C11orf54: variants seen among roughly 807,000 people sequenced by gnomAD.
The protein encoded by C11orf54 is beta-keto-L-gulonate decarboxylase.
In C11orf54, 29 loss-of-function variants were observed where a neutral mutation model predicts 35.5. That is an observed-to-expected ratio of 0.82 (90% CI 0.61 to 1.11). C11orf54 has a LOEUF of 1.11. Ranked by LOEUF, C11orf54 falls within the 50% of genes most tolerant of loss-of-function variation. The pLI is 0.00. For missense variants in C11orf54, 373 were observed against 369.2 expected (o/e 1.01, Z -0.08); for synonymous variants, 108 against 121.1 (o/e 0.89, Z 0.71).
chr11:93,743,841 C>G (rs1476111236), intron 1 of C11orf54, among the ~76,000 whole-genome samples: 16 of 152,180 alleles, frequency 1.1e-4, no homozygotes. Context: ...CTTCTAGACC[C>G]TATTTCTGGG....
In C11orf54 at chr11:93,759,859, G is replaced by A. The variant is rs1327294109; in HGVS notation, c.774+1G>A. 1 of 1,536,904 alleles carries A rather than the reference G, an allele frequency of 6.5e-7. No individual in the cohort carries two copies. The highest frequency in any genetic ancestry group is 2.3e-5 in the East Asian group (1 of 44,372). Reference sequence around the variant, plus strand: ...ACCAGTTTTTGTCTCCAGAGACCCAGTAAGTCTGTGTCTGTTTTTTATATT... The same window carrying A: ...ACCAGTTTTTGTCTCCAGAGACCCAATAAGTCTGTGTCTGTTTTTTATATT... On this transcript the variant is annotated splice_donor_variant, in intron 8 of 8. Transcript: ENST00000354421. LOFTEE classifies it high-confidence loss of function.
chr11:93,746,732 A>G (rs1054593882), intron 1 of C11orf54: 4 of 152,202 alleles, frequency 2.6e-5, no homozygotes, highest in Non-Finnish European at 5.9e-5. Flanking sequence ...TTTAAATTTT[A>G]TTTTGAAAAA....
chr11:93,761,508 A>G lies in C11orf54; in HGVS notation c.775-7A>G, dbSNP rs1943468667. 6.3e-7 allele frequency: 1 copy of G among 1,598,508 alleles called. No individual in the cohort carries two copies. ...AGTACTAACATATTGTTTGTCTGTT[A>G]TCTTAGGGGTTTGATTTGCGACTGG... On this transcript the variant is annotated splice_region_variant and splice_polypyrimidine_tract_variant and intron_variant, in intron 8 of 8. Coordinates refer to ENST00000354421, the MANE Select transcript of C11orf54 (RefSeq NM_001286069.2).
chr11:93,752,329 C>A (rs1016651460), intron 3 of C11orf54, among the ~76,000 whole-genome samples: 2 of 152,124 alleles, frequency 1.3e-5, no homozygotes, highest in African/African-American at 4.8e-5. Context: ...GAAACCCAAT[C>A]TCTACTAAAA....
intron 3 of C11orf54, among the ~76,000 whole-genome samples, chr11:93,750,868 A>G (rs1258276767): frequency 2.0e-5 from 3 of 152,244 alleles, no homozygotes; most frequent in African/African-American, 7.2e-5. Context: ...GTGAGCATCC[A>G]CTGTTTGAAG....
Position 93,755,198 on chromosome 11 carries a change from C to T in C11orf54, c.331-12C>T. 5.0e-6 allele frequency: 8 copies of T among 1,612,402 alleles called. No individual in the cohort carries two copies. Among genetic ancestry groups the T allele is most frequent in the Non-Finnish European group, 6.8e-6 (8 of 1,178,880 alleles). The stretch of plus-strand genomic sequence containing the variant: ...ATACAAAGATTGACTAATTGCCTCA[C>T]TTTCTTTTCAGTTTATGCCAGTTAT... On this transcript the variant is annotated splice_polypyrimidine_tract_variant and intron_variant, in intron 5 of 8. Coordinates refer to ENST00000354421, the MANE Select transcript of C11orf54 (RefSeq NM_001286069.2).
chr11:93,757,253 TG>T lies in C11orf54; in HGVS notation c.508-62del, dbSNP rs1366042963. On this transcript the variant is annotated intron_variant, in intron 6 of 8. Transcript: ENST00000354421. ...TGCTTGATAGAATTAAATTATATAA[TG>T]TTTTATTTCAGTAGTTATTTTGCAG... 6 of 1,496,612 alleles carry T rather than the reference TG, an allele frequency of 4.0e-6. No homozygotes were observed. The Admixed American group carries it at 1.2e-4, about 30-fold the overall frequency. 92.7% of individuals were successfully genotyped at this position (1,496,612 alleles called of 1,614,324 possible).
At chr11:93,753,877 G>T in intron 4 of C11orf54, 59 bp from the exon 5 acceptor site, 1 of 1,564,828 alleles carries the variant, frequency 6.4e-7, no homozygotes, top group Non-Finnish European at 8.8e-7. Flanking sequence ...AGTAATAAAA[G>T]GTAAACCAGG....
At chr11:93,757,008 G>A (rs915061502) in intron 6 of C11orf54, among the ~76,000 whole-genome samples, 3 of 151,994 alleles carry the variant, frequency 2.0e-5, no homozygotes, top group Admixed American at 2.0e-4. Context: ...TGACTGCCTC[G>A]ACACGTATGT....
rs1441054481 is a variant in C11orf54 at position 93,757,382 on chromosome 11, C to T, written c.574C>T (p.Leu192=). The change falls in exon 7 of 9, where the codon CTG becomes TTG. Residue 192 remains leucine (L), a synonymous_variant. Transcript: ENST00000354421. The stretch of plus-strand genomic sequence containing the variant: ...CTTTGTGACTTGTATGAGAGAGACC[C>T]TGGAAAAACATTATGGAAATAAGCC... ...LNFVTCMRET[L]EKHYGNKPIG... 1 of 1,598,060 alleles carries T rather than the reference C, an allele frequency of 6.3e-7. No individual in the cohort carries two copies. Among genetic ancestry groups the T allele is most frequent in the Non-Finnish European group, 8.5e-7 (1 of 1,179,694 alleles).
rs147973802 is a variant in C11orf54 at position 93,754,022 on chromosome 11, C to T, written c.315C>T (p.Leu105=). The change falls in exon 5 of 9, where the codon CTC becomes CTT. Residue 105 remains leucine, a synonymous_variant. Transcript: ENST00000354421. ...CAGGAGCAGGTCCATTTCAGACTCTCGGGTTCAATTCTGAGGTCAGCATAT... is the reference window on the plus strand; with the variant it reads ...CAGGAGCAGGTCCATTTCAGACTCTTGGGTTCAATTCTGAGGTCAGCATAT... ...LGAGAGPFQT[L]GFNSEFMPVI... is the part of the protein sequence containing the mutation. 1.1e-4 allele frequency: 178 copies of T among 1,613,768 alleles called. No homozygotes were observed. The highest frequency in any genetic ancestry group is 1.6e-4 in the Middle Eastern group (1 of 6,082).
chr11:93,761,667 G>A lies in C11orf54; in HGVS notation c.927G>A (p.Thr309=), dbSNP rs377629155. 32 of 1,600,290 alleles carry A rather than the reference G, an allele frequency of 2.0e-5. No homozygotes were observed. The highest frequency in any genetic ancestry group is 9.0e-5 in the East Asian group (4 of 44,424). ...FLYRIDQPKE[T]HSIGRD ...ATCGCATTGATCAACCAAAAGAGAC[G>A]CATTCAATTGGGCGAGATTAAATCA... is the stretch of plus-strand genomic sequence containing the variant. The change falls in exon 9 of 9, where the codon ACG becomes ACA. Residue 309 remains threonine, a synonymous_variant. Coordinates refer to ENST00000354421, the MANE Select transcript of C11orf54 (RefSeq NM_001286069.2).
At chr11:93,751,607 T>C (rs930964329) in intron 3 of C11orf54, among the ~76,000 whole-genome samples, 28 of 151,780 alleles carry the variant, frequency 1.8e-4, no homozygotes, top group Middle Eastern at 3.4e-3. Context: ...GGTTTCACCG[T>C]GTTAGCCAGG....
chr11:93,757,744 G>T (rs183718530), intron 7 of C11orf54, among the ~76,000 whole-genome samples: 3 of 152,246 alleles, frequency 2.0e-5, no homozygotes, highest in African/African-American at 7.2e-5. Context: ...GGCCAGACTG[G>T]TGTCGAACTC....
chr11:93,758,206 G>C (rs1313542712), intron 7 of C11orf54, among the ~76,000 whole-genome samples: 1 of 152,184 alleles, frequency 6.6e-6, no homozygotes, highest in Non-Finnish European at 1.5e-5. Flanking sequence ...CTATGGAGCG[G>C]GTGGGAGCTG....
intron 7 of C11orf54, among the ~76,000 whole-genome samples, chr11:93,758,544 C>T (rs1043440785): frequency 6.6e-6 from 1 of 152,250 alleles, no homozygotes; most frequent in African/African-American, 2.4e-5. Flanking sequence ...TGCCTGCTCC[C>T]ACTGCCTGGC....
rs1943525614 is a variant in C11orf54 at position 93,762,601 on chromosome 11, T to C, written c.*913T>C. ...GCCTGGGCACCATGGTGAGACCCCA[T>C]CTCTATTATTTAAAATGTTTCTTAA... On this transcript the variant is annotated 3_prime_UTR_variant, in exon 9 of 9. Transcript: ENST00000354421. The C allele has an allele frequency of 2.6e-5, 4 of 152,096 alleles. No individual in the cohort carries two copies. Among genetic ancestry groups the C allele is most frequent in the Admixed American group, 2.6e-4 (4 of 15,268 alleles). The allele number at this position is 152,096 out of a possible 1,614,324, so 9.4% of individuals were successfully genotyped here. A position where few individuals can be genotyped will look rare whatever the true frequency, so the allele number is the denominator to read the frequency against.
intron 6 of C11orf54, among the ~76,000 whole-genome samples, chr11:93,756,970 A>C (rs1012746977): frequency 2.0e-5 from 3 of 152,210 alleles, no homozygotes; most frequent in African/African-American, 7.2e-5. Context: ...CTTTAACCAA[A>C]GAATTACCAA....
rs368135384 is a variant in C11orf54, at chr11:93,751,181, G to A, written c.154+737G>A. 4.8e-4 allele frequency among the ~76,000 whole-genome samples: 73 copies of A among 152,230 alleles called. 2 individuals carry two copies. The Middle Eastern group carries it at 0.01, about 21-fold the overall frequency. On this transcript the variant is annotated intron_variant, in intron 3 of 8. Transcript: ENST00000354421. Reference sequence around the variant, plus strand: ...TAATTAACATCTTTGCTAAAAAGGAGTTTGCCATAGAAATTCTGGACTCTA... The same window carrying A: ...TAATTAACATCTTTGCTAAAAAGGAATTTGCCATAGAAATTCTGGACTCTA...
Sources: allele counts gnomAD v4.1 joint callset (sites outside exome capture counted in the v4.1 genomes callset), GRCh38; gene constraint gnomAD v4.1.1; transcripts MANE v1.5; gene names NCBI Gene and HGNC (gene_info 2026-07-23, HGNC 2026-07-21).